The following PABIR3 variants were observed in gnomAD, a reference collection of about 807,000 sequenced individuals.
The protein encoded by PABIR3 is PABIR family member 3, also known as PABIR family member 1.
Under a neutral mutation model 23.1 loss-of-function variants are expected in PABIR3, and 20 were observed. The observed-to-expected ratio is 0.86, with a 90% CI of 0.61 to 1.26. The LOEUF is 1.26. Among genes scored for constraint, PABIR3 ranks in the 50% most tolerant of loss-of-function variants. The pLI, the probability that PABIR3 is intolerant of heterozygous loss-of-function variation, is 0.00. For synonymous variants in PABIR3, 69 were observed against 68.5 expected, an observed-to-expected ratio of 1.01 and a Z score of -0.04; for missense variants, 189 against 195.4, an observed-to-expected ratio of 0.97 and a Z score of 0.20.
chrX:134,853,187 C>T (rs918771584), intron 10 of PABIR3, among the ~76,000 whole-genome samples: 5 of 111,435 alleles, frequency 4.5e-5, no homozygotes, highest in African/African-American at 1.6e-4. Context: ...ACCTCAGCCT[C>T]CTGAGTAGCT....
chrX:134,819,800 G>A (rs1210533627), intron 3 of PABIR3, among the ~76,000 whole-genome samples: 1 of 110,989 alleles, frequency 9.0e-6, no homozygotes, highest in Non-Finnish European at 1.9e-5. Context: ...CAGGAAAATC[G>A]CTTGAACCCG....
intron 3 of PABIR3, among the ~76,000 whole-genome samples, chrX:134,823,636 A>G (rs959443544): frequency 9.0e-6 from 1 of 111,640 alleles, no homozygotes; most frequent in Admixed American, 9.6e-5. Context: ...ACACATATAT[A>G]TCCATGTGTA....
At chrX:134,807,884 C>T (rs1303618606) in intron 2 of PABIR3, among the ~76,000 whole-genome samples, 176 bp downstream of exon 2, 1 of 111,341 alleles carries the variant, frequency 9.0e-6, no homozygotes, top group East Asian at 2.8e-4. Context: ...GACGGGCTGA[C>T]CTGAGGGGGA....
intron 1 of PABIR3, among the ~76,000 whole-genome samples, chrX:134,801,404 G>C (rs2148052185): frequency 8.9e-6 from 1 of 112,324 alleles, no homozygotes; most frequent in Non-Finnish European, 1.9e-5. Flanking sequence ...CCTTGGTTTT[G>C]TTTTGTTGAT....
intron 2 of PABIR3, chrX:134,810,208 C>G: frequency 2.7e-6 from 2 of 754,375 alleles, no homozygotes; most frequent in Non-Finnish European, 1.6e-6. Flanking sequence ...AGGAGTGGAC[C>G]CTTCCCTAAT....
intron 4 of PABIR3, chrX:134,831,533 A>G (rs2081779688): frequency 8.9e-6 from 1 of 111,739 alleles, no homozygotes; most frequent in South Asian, 3.7e-4. Context: ...AATGGGGGGA[A>G]TAATATTGGC....
chrX:134,829,019 G>C (rs1322252804), intron 3 of PABIR3, among the ~76,000 whole-genome samples: 1 of 111,757 alleles, frequency 8.9e-6, no homozygotes, highest in Non-Finnish European at 1.9e-5. Context: ...ATTTTGTTCT[G>C]TTTTGGAAAG....
At chrX:134,819,293 A>G (rs778500604) in intron 3 of PABIR3, among the ~76,000 whole-genome samples, 45 of 111,574 alleles carry the variant, frequency 4.0e-4, no homozygotes, top group African/African-American at 1.4e-3. Flanking sequence ...CCTAATTTGC[A>G]TAACGTTCAG....
At chrX:134,861,014 C>T in the PABIR3 span, among the ~76,000 whole-genome samples, 2 of 112,117 alleles carry the variant, frequency 1.8e-5, no homozygotes, top group Non-Finnish European at 3.8e-5. Context: ...CAGTGGCTCA[C>T]GCCTATAATC....
intron 4 of PABIR3, chrX:134,838,946 TC>T (rs931557559): frequency 3.5e-5 from 4 of 112,971 alleles, no homozygotes; most frequent in African/African-American, 1.3e-4. Context: ...TCTGCCAGCC[TC>T]GGCCTCCCGA....
intron 3 of PABIR3, among the ~76,000 whole-genome samples, chrX:134,817,307 CTG>C (rs1292029481): frequency 4.5e-5 from 5 of 110,978 alleles, no homozygotes; most frequent in South Asian, 7.5e-4. Context: ...GAAATTATAA[CTG>C]TTCATTAAAT....
Position 134,847,921 on chromosome X carries a change from C to T in PABIR3, c.477C>T (p.Cys159=), listed in dbSNP as rs1305571425. The stretch of plus-strand genomic sequence containing the variant: ...CATCATTACAAACTTGTGTGAGTTG[C>T]ACTGGTTCGCCTTCAAGTCCTATTC... ...FSPSLQTCVS[C]TGSPSSPIPS... Residue 159 remains cysteine, a synonymous_variant, in exon 8 of 11, where the codon TGC becomes TGT. Coordinates refer to ENST00000645433, the MANE Select transcript of PABIR3 (RefSeq NM_001388447.1). 1.7e-6 allele frequency: 2 copies of T among 1,155,196 alleles called. No homozygotes were observed. Among genetic ancestry groups the T allele is most frequent in the Non-Finnish European group, 2.3e-6 (2 of 872,594 alleles).
At chrX:134,835,493 T>A (rs1028424913) in intron 4 of PABIR3, 3 of 111,825 alleles carry the variant, frequency 2.7e-5, no homozygotes, top group African/African-American at 9.7e-5. Flanking sequence ...ACCTTTCCTA[T>A]TAAGCAGGTA....
chrX:134,819,203 G>C (rs1404570660), intron 3 of PABIR3, among the ~76,000 whole-genome samples: 1 of 110,569 alleles, frequency 9.0e-6, no homozygotes. Flanking sequence ...CCAAAGTACT[G>C]GGATTACAGG....
chrX:134,849,143 A>G (rs1420672870), intron 8 of PABIR3, 24 bp from the exon 9 acceptor site: 4 of 865,663 alleles, frequency 4.6e-6, no homozygotes, highest in Middle Eastern at 6.3e-4. Context: ...ATTTCTTATA[A>G]TGATCATGAT....
chrX:134,819,768 C>T (rs1311738874), intron 3 of PABIR3, among the ~76,000 whole-genome samples: 1 of 110,564 alleles, frequency 9.0e-6, no homozygotes, highest in African/African-American at 3.3e-5. Flanking sequence ...GCCTGTAATC[C>T]CAGCTACTCA....
chrX:134,810,553 T>C (rs1005005239), intron 2 of PABIR3: 2 of 752,183 alleles, frequency 2.7e-6, no homozygotes, highest in African/African-American at 4.6e-5. Context: ...AGGGCATATT[T>C]TGTGCTGTTG....
chrX:134,814,167 A>G (rs1350425276), intron 2 of PABIR3, among the ~76,000 whole-genome samples: 1 of 111,394 alleles, frequency 9.0e-6, no homozygotes, highest in African/African-American at 3.3e-5. Flanking sequence ...ATCTCTGACC[A>G]TAAATTTAAA....
chrX:134,833,706 C>T (rs1603228937), intron 4 of PABIR3, among the ~76,000 whole-genome samples: 1 of 110,658 alleles, frequency 9.0e-6, no homozygotes, highest in East Asian at 2.8e-4. Flanking sequence ...TGTGTTGTTC[C>T]CCTCCCTGTG....
Sources: allele counts gnomAD v4.1 joint callset (sites outside exome capture counted in the v4.1 genomes callset), GRCh38; gene constraint gnomAD v4.1.1; transcripts MANE v1.5; gene names NCBI Gene and HGNC (gene_info 2026-07-23, HGNC 2026-07-21).